The following MFHAS1 variants were observed in gnomAD, a reference collection of about 807,000 sequenced individuals.
MFHAS1 encodes malignant fibrous histiocytoma-amplified sequence 1.
Under a neutral mutation model 70.4 loss-of-function variants are expected in MFHAS1, and 50 were observed. The observed-to-expected ratio is 0.71, with a 90% CI of 0.57 to 0.90. MFHAS1 has a LOEUF of 0.90. Ranked by LOEUF, MFHAS1 falls within the 40% of genes least tolerant of loss-of-function variation. MFHAS1 has a pLI of 0.00. For missense variants in MFHAS1, 1,795 were observed against 1,347.6 expected, an observed-to-expected ratio of 1.33 and a Z score of -5.20; for synonymous variants, 952 against 620.0, an observed-to-expected ratio of 1.54 and a Z score of -7.96.
chr8:8,889,960 C>T, intron 1 of MFHAS1, 101 bp downstream of exon 1: 1 of 980,996 alleles, frequency 1.0e-6, no homozygotes, highest in Non-Finnish European at 1.5e-6. Flanking sequence ...TCCTGGAGAA[C>T]CCGTGAAGTT....
chr8:8,818,677 T>C (rs891669609), intron 1 of MFHAS1, among the ~76,000 whole-genome samples: 4 of 152,244 alleles, frequency 2.6e-5, no homozygotes, highest in Admixed American at 1.3e-4. Context: ...TCACTCAATG[T>C]TGACTTCCTT....
chr8:8,837,575 G>C (rs930307702), intron 1 of MFHAS1, among the ~76,000 whole-genome samples: 1 of 151,888 alleles, frequency 6.6e-6, no homozygotes, highest in Non-Finnish European at 1.5e-5. Flanking sequence ...CCCAGGAGGC[G>C]GAGGTTGCAG....
At chr8:8,849,805 G>C (rs1214141193) in intron 1 of MFHAS1, among the ~76,000 whole-genome samples, 1 of 152,224 alleles carries the variant, frequency 6.6e-6, no homozygotes, top group Admixed American at 6.5e-5. Context: ...TTCTCTCAGA[G>C]GGAACCAAAT....
Position 8,808,981 on chromosome 8 carries a change from C to T in MFHAS1, c.2999-11490G>A, listed in dbSNP as rs147015793. Among the ~76,000 whole-genome samples, 786 of 152,214 alleles carry T rather than the reference C, an allele frequency of 5.2e-3. 9 individuals are homozygous for T. Among genetic ancestry groups the T allele is most frequent in the African/African-American group, 0.018 (760 of 41,532 alleles). On this transcript the variant is annotated intron_variant, in intron 1 of 2. Coordinates refer to ENST00000276282, the MANE Select transcript of MFHAS1 (RefSeq NM_004225.3). Reference sequence around the variant, plus strand: ...CTGTTTACAGCCACTCCCCATTGCTCAAATTACCACCGGAGCTCCATCTCC... The same window carrying T: ...CTGTTTACAGCCACTCCCCATTGCTTAAATTACCACCGGAGCTCCATCTCC...
At chr8:8,833,533 G>A (rs1250903433) in intron 1 of MFHAS1, among the ~76,000 whole-genome samples, 1 of 152,148 alleles carries the variant, frequency 6.6e-6, no homozygotes, top group Admixed American at 6.5e-5. Flanking sequence ...GGAGGCTGAG[G>A]TAGGAAGACT....
chr8:8,890,552 G>C lies in MFHAS1; in HGVS notation c.2507C>G (p.Pro836Arg), dbSNP rs139976609. The C allele has an allele frequency of 5.0e-6, 8 of 1,613,454 alleles. No homozygotes were observed. The highest frequency in any genetic ancestry group is 6.8e-6 in the Non-Finnish European group (8 of 1,180,042). Residue 836 changes from proline to arginine, a missense_variant, in exon 1 of 3, where the codon CCC becomes CGC. Coordinates refer to ENST00000276282, the MANE Select transcript of MFHAS1 (RefSeq NM_004225.3). The part of the protein sequence containing the change: ...KMGLCYCLNK[P>R]KGKPLNGSTA... ...GGACCCATTCAAAGGCTTGCCCTTGGGTTTATTGAGGCAGTAACAGAGTCC... is the reference window on the plus strand; with the variant it reads ...GGACCCATTCAAAGGCTTGCCCTTGCGTTTATTGAGGCAGTAACAGAGTCC...
intron 1 of MFHAS1, among the ~76,000 whole-genome samples, chr8:8,815,705 G>T (rs956349959): frequency 1.3e-5 from 2 of 152,136 alleles, no homozygotes; most frequent in African/African-American, 4.8e-5. Context: ...TTGTTGCTGA[G>T]GATGTGGGGG....
chr8:8,814,845 A>G (rs1806677073), intron 1 of MFHAS1, among the ~76,000 whole-genome samples: 1 of 107,362 alleles, frequency 9.3e-6, no homozygotes, highest in African/African-American at 3.5e-5. Flanking sequence ...GCCTGCTAGA[A>G]TTTCTTTTTT....
chr8:8,835,405 G>A lies in MFHAS1; in HGVS notation c.2999-37914C>T, dbSNP rs371719155. On this transcript the variant is annotated intron_variant, in intron 1 of 2. Transcript: ENST00000276282. ...CATCTTTCTAGATGGTGGGCATCCC[G>A]GAGCAGAGTTACGAGATACCCATCA... 7.9e-5 allele frequency among the ~76,000 whole-genome samples: 12 copies of A among 152,260 alleles called. No individual in the cohort carries two copies. The South Asian group carries it at 1.0e-3, about 13-fold the overall frequency.
At chr8:8,875,654 G>A (rs1446470917) in intron 1 of MFHAS1, among the ~76,000 whole-genome samples, 4 of 152,004 alleles carry the variant, frequency 2.6e-5, no homozygotes, top group African/African-American at 9.7e-5. Context: ...ACAGTGGCAC[G>A]ATCTCAGCTC....
chr8:8,892,611 G>C lies in MFHAS1; in HGVS notation c.448C>G (p.Leu150Val). 1 of 1,608,414 alleles carries C rather than the reference G, an allele frequency of 6.2e-7. No individual in the cohort carries two copies. Among genetic ancestry groups the C allele is most frequent in the Non-Finnish European group, 8.5e-7 (1 of 1,177,932 alleles). The change falls in exon 1 of 3, where the codon CTG becomes GTG. Residue 150 changes from leucine to valine, a missense_variant. Leu to Val is a conservative substitution (Grantham distance 32, BLOSUM62 1). Transcript: ENST00000276282. The surrounding 1 kb of genome is among the most constrained non-coding windows in gnomAD (Gnocchi z 4.7). Reference sequence around the variant, plus strand: ...GCGAGAGCGCCCAGCTGGGCGGGCAGGGCGGGCAGCTGGTTGTGGCTGAGG... The same window carrying C: ...GCGAGAGCGCCCAGCTGGGCGGGCACGGCGGGCAGCTGGTTGTGGCTGAGG... Reference protein sequence around the residue: ...LNLSHNQLPALPAQLGALAHL... With the variant: ...LNLSHNQLPAVPAQLGALAHL...
intron 2 of MFHAS1, among the ~76,000 whole-genome samples, chr8:8,790,131 C>A (rs776149618): frequency 2.6e-5 from 4 of 152,254 alleles, no homozygotes; most frequent in Middle Eastern, 6.8e-3. Flanking sequence ...GTAAATTAAG[C>A]AAAAGAATCA....
intron 2 of MFHAS1, among the ~76,000 whole-genome samples, chr8:8,791,338 CAT>C (rs1471423739): frequency 6.6e-6 from 1 of 152,158 alleles, no homozygotes; most frequent in Non-Finnish European, 1.5e-5. Flanking sequence ...TAAGAAACCA[CAT>C]GTTAGAATGT....
In MFHAS1 at chr8:8,797,417, T is replaced by C; in HGVS notation, c.3073A>G (p.Asn1025Asp). ...ICPKNGSERV[N>D]VALVYPPTPT... is the part of the protein sequence containing the mutation. ...GTGGGTGGGTAAACCAAGGCAACAT[T>C]TACTCGCTCGCTGCCGTTCTTGGGG... The change falls in exon 2 of 3, where the codon AAT (asparagine) becomes GAT (aspartate). Residue 1025 changes from asparagine to aspartate, a missense_variant. Physicochemically the swap from Asn to Asp is conservative, Grantham distance 23 (BLOSUM62 1). Coordinates refer to ENST00000276282, the MANE Select transcript of MFHAS1 (RefSeq NM_004225.3). 6.2e-7 allele frequency: 1 copy of C among 1,614,012 alleles called. No individual in the cohort carries two copies. Among genetic ancestry groups the C allele is most frequent in the Non-Finnish European group, 8.5e-7 (1 of 1,179,992 alleles).
intron 1 of MFHAS1, among the ~76,000 whole-genome samples, chr8:8,851,668 A>G (rs554133842): frequency 6.6e-6 from 1 of 152,344 alleles, no homozygotes; most frequent in East Asian, 1.9e-4. Context: ...CTTTCATATT[A>G]TACCCCTTCC....
chr8:8,831,691 C>G (rs1807394174), intron 1 of MFHAS1, among the ~76,000 whole-genome samples: 1 of 151,920 alleles, frequency 6.6e-6, no homozygotes, highest in African/African-American at 2.4e-5. Flanking sequence ...TCACTGCAAC[C>G]TCCGCCTCCC....
intron 1 of MFHAS1, among the ~76,000 whole-genome samples, chr8:8,801,906 G>C (rs1000422829): frequency 5.3e-5 from 8 of 152,216 alleles, no homozygotes; most frequent in Non-Finnish European, 1.2e-4. Flanking sequence ...GATTCATACT[G>C]ATTCACAGGA....
At chr8:8,807,416 T>G (rs891865136) in intron 1 of MFHAS1, among the ~76,000 whole-genome samples, 1 of 152,146 alleles carries the variant, frequency 6.6e-6, no homozygotes. Flanking sequence ...CCTCACTTAC[T>G]GCCTCTCAAA....
chr8:8,807,703 G>A (rs1402637866), intron 1 of MFHAS1, among the ~76,000 whole-genome samples: 3 of 152,228 alleles, frequency 2.0e-5, no homozygotes, highest in Non-Finnish European at 4.4e-5. Flanking sequence ...CAGAGCTGGT[G>A]TGAAAGGCTG....
Sources: allele counts gnomAD v4.1 joint callset (sites outside exome capture counted in the v4.1 genomes callset), GRCh38; gene constraint gnomAD v4.1.1; non-coding constraint Gnocchi (gnomAD v3.1); transcripts MANE v1.5; gene names NCBI Gene and HGNC (gene_info 2026-07-23, HGNC 2026-07-21).